Variants in EWSR1 observed in about 807,000 individuals in gnomAD.
EWSR1 encodes RNA-binding protein EWS.
Under a neutral mutation model 92.1 loss-of-function variants are expected in EWSR1, and 14 were observed. The observed-to-expected ratio is 0.15, with a 90% CI of 0.10 to 0.24. The LOEUF is 0.24. Among genes scored for constraint, EWSR1 ranks in the 10% least tolerant of loss-of-function variants. The pLI, the probability that EWSR1 is intolerant of heterozygous loss-of-function variation, is 1.00. For missense variants in EWSR1, 637 were observed against 870.9 expected (o/e 0.73, Z 3.38); for synonymous variants, 303 against 292.9 (o/e 1.03, Z -0.35).
chr22:29,280,287 C>T (rs769997476), intron 5 of EWSR1, among the ~76,000 whole-genome samples: 65 of 152,226 alleles, frequency 4.3e-4, no homozygotes, highest in African/African-American at 1.3e-3. Context: ...AGGCTGGTCT[C>T]GAACTCGTGA....
intron 4 of EWSR1, among the ~76,000 whole-genome samples, chr22:29,274,885 C>T (rs1331744046): frequency 6.6e-6 from 1 of 152,098 alleles, no homozygotes; most frequent in South Asian, 2.1e-4. Context: ...GCTGTCTCCC[C>T]CTGCCCTTTT....
chr22:29,287,681 C>T (rs1016584384), intron 7 of EWSR1, among the ~76,000 whole-genome samples: 8 of 152,178 alleles, frequency 5.3e-5, no homozygotes, highest in African/African-American at 1.9e-4. Flanking sequence ...AAAAGAGATA[C>T]TAATTGATCA....
At chr22:29,277,974 G>A (rs1403918842) in intron 4 of EWSR1, 56 bp from the exon 5 acceptor site, 3 of 1,515,448 alleles carry the variant, frequency 2.0e-6, no homozygotes, top group East Asian at 2.3e-5. Context: ...GATAATGAGT[G>A]TCTAGGCAGA....
chr22:29,291,387 A>G (rs995486050), intron 8 of EWSR1, 175 bp from the exon 9 acceptor site: 12 of 588,302 alleles, frequency 2.0e-5, no homozygotes, highest in Admixed American at 6.8e-5. Flanking sequence ...AAGGTTGTAT[A>G]TTGAGGAAAT....
chr22:29,299,735 G>A lies in EWSR1; in HGVS notation c.1815G>A (p.Met605Ile). Residue 605 changes from methionine to isoleucine, a missense_variant, in exon 16 of 17, where the codon ATG becomes ATA. Around this residue, in one of 5 missense-constraint regions of EWSR1, gnomAD observed 363 missense variants for 447.8 expected, o/e 0.81. Transcript: ENST00000397938. ...GTGGCTTCCGTGGTGGCCGGGGCAT[G>A]GACCGAGGTGGCTTTGGTGGAGGAA... ...DRGGFRGGRG[M>I]DRGGFGGGRR... 3 of 1,611,404 alleles carry A rather than the reference G, an allele frequency of 1.9e-6. No homozygotes were observed. Among genetic ancestry groups the A allele is most frequent in the Non-Finnish European group, 1.7e-6 (2 of 1,178,516 alleles).
intron 1 of EWSR1, among the ~76,000 whole-genome samples, chr22:29,268,735 C>T (rs915543769): frequency 2.6e-5 from 4 of 152,240 alleles, no homozygotes; most frequent in African/African-American, 7.2e-5. Flanking sequence ...ATGAAACCGC[C>T]GGGGGGCCCG....
At chr22:29,285,569 C>T (rs1265275416) in intron 6 of EWSR1, among the ~76,000 whole-genome samples, 2 of 151,428 alleles carry the variant, frequency 1.3e-5, no homozygotes, top group African/African-American at 4.9e-5. Flanking sequence ...CATAGTTAAT[C>T]AGGCATGTCT....
intron 6 of EWSR1, 78 bp from the exon 7 acceptor site, chr22:29,286,845 C>T (rs778118677): frequency 4.6e-6 from 5 of 1,095,046 alleles, no homozygotes; most frequent in African/African-American, 1.6e-5. Flanking sequence ...GTGTGAATGT[C>T]TCTTTTATTC....
chr22:29,291,129 C>T (rs1327707638), intron 8 of EWSR1: 1 of 241,554 alleles, frequency 4.1e-6, no homozygotes, highest in African/African-American at 2.2e-5. Flanking sequence ...TGTTAGGAAA[C>T]CCTGGGCCTC....
At chr22:29,277,460 T>G (rs1881630590) in intron 4 of EWSR1, 1 of 225,588 alleles carries the variant, frequency 4.4e-6, no homozygotes, top group Non-Finnish European at 8.8e-6. Flanking sequence ...TGTGCTCAAG[T>G]AATTAAGCTT....
intron 6 of EWSR1, among the ~76,000 whole-genome samples, chr22:29,284,456 G>C (rs1031278151): frequency 4.8e-4 from 73 of 151,524 alleles, no homozygotes; most frequent in Non-Finnish European, 1.0e-3. Context: ...CATACAGCCA[G>C]CTTGGAGCAA....
In EWSR1 at chr22:29,272,015, C is replaced by T. The variant is rs2857461; in HGVS notation, c.14-201C>T. Among the ~76,000 whole-genome samples, 149,338 of 152,316 alleles carry T rather than the reference C, an allele frequency of 0.98. 73,213 individuals are homozygous for T. The highest frequency in any genetic ancestry group is 0.99 in the Middle Eastern group (291 of 294). ...ATCTTGACCTCATTAGCTAGTCCCA[C>T]AGTCAAATGTTGAGTTTAACTGGTT... On this transcript the variant is annotated intron_variant, in intron 1 of 16. Coordinates refer to ENST00000397938, the MANE Select transcript of EWSR1 (RefSeq NM_005243.4).
chr22:29,286,845 C>G (rs778118677), intron 6 of EWSR1, 78 bp from the exon 7 acceptor site: 25 of 1,095,044 alleles, frequency 2.3e-5, no homozygotes, highest in Non-Finnish European at 3.4e-5. Context: ...GTGTGAATGT[C>G]TCTTTTATTC....
intron 5 of EWSR1, among the ~76,000 whole-genome samples, chr22:29,279,342 A>G (rs1187450345): frequency 6.6e-6 from 1 of 152,222 alleles, no homozygotes; most frequent in Non-Finnish European, 1.5e-5. Flanking sequence ...ATTGTCTGGA[A>G]AGGACATAAC....
chr22:29,292,825 C>T (rs2060543238), intron 11 of EWSR1, among the ~76,000 whole-genome samples: 2 of 142,788 alleles, frequency 1.4e-5, no homozygotes, highest in Non-Finnish European at 1.5e-5. Context: ...AGTGCAATGG[C>T]GCAAGTCTTG....
intron 11 of EWSR1, among the ~76,000 whole-genome samples, chr22:29,295,233 G>A (rs2060763005): frequency 6.6e-6 from 1 of 152,062 alleles, no homozygotes; most frequent in African/African-American, 2.4e-5. Flanking sequence ...TTTTTAATAT[G>A]TATATAACAT....
chr22:29,292,214 T>G (rs1202223289), intron 10 of EWSR1, 45 bp downstream of exon 10: 1 of 1,576,952 alleles, frequency 6.3e-7, no homozygotes, highest in East Asian at 2.2e-5. Context: ...CTTTGTAAAT[T>G]AATGGTACAG....
intron 1 of EWSR1, 105 bp from the exon 2 acceptor site, chr22:29,272,111 T>C: frequency 1.9e-6 from 2 of 1,032,788 alleles, no homozygotes; most frequent in South Asian, 1.3e-5. Flanking sequence ...CAGGTCTCCC[T>C]ACAGTTTAAA....
chr22:29,291,481 T>G, intron 8 of EWSR1, 81 bp from the exon 9 acceptor site: 15 of 1,398,650 alleles, frequency 1.1e-5, no homozygotes, highest in Non-Finnish European at 1.5e-5. Flanking sequence ...AGTGCCCTTC[T>G]TCCCCACGAG....
Sources: gnomAD v4.1 joint callset for allele counts (sites outside exome capture counted in the v4.1 genomes callset) on GRCh38, gnomAD v4.1.1 for gene constraint, gnomAD v4.1.1 regional missense constraint, MANE v1.5 for transcripts, NCBI Gene and HGNC (gene_info 2026-07-23, HGNC 2026-07-21) for gene names.